Variants in FRMD6 observed in about 807,000 individuals in gnomAD.
FRMD6 encodes FERM domain containing 6, also known as FERM domain-containing protein 6.
Under a neutral mutation model 73.2 loss-of-function variants are expected in FRMD6, and 37 were observed. The ratio of observed to expected loss-of-function variants is 0.51; its 90% CI spans 0.39 to 0.66. FRMD6 has a LOEUF of 0.66. Among genes scored for constraint, FRMD6 ranks in the 30% least tolerant of loss-of-function variants. The pLI, the probability that FRMD6 is intolerant of heterozygous loss-of-function variation, is 0.00. For synonymous variants in FRMD6, 273 were observed against 282.2 expected, an observed-to-expected ratio of 0.97 and a Z score of 0.33; for missense variants, 714 against 780.5, an observed-to-expected ratio of 0.91 and a Z score of 1.02.
intron 2 of FRMD6, among the ~76,000 whole-genome samples, chr14:51,633,935 G>C (rs535237647): frequency 6.6e-6 from 1 of 152,012 alleles, no homozygotes; most frequent in Non-Finnish European, 1.5e-5. Context: ...CCATTTCTTC[G>C]GTACTTTCAA....
At chr14:51,682,975 C>G (rs1247590391) in intron 1 of FRMD6, among the ~76,000 whole-genome samples, 1 of 152,194 alleles carries the variant, frequency 6.6e-6, no homozygotes, top group African/African-American at 2.4e-5. Flanking sequence ...GCCAGGCAGA[C>G]TAAAACAGAT....
At chr14:51,706,806 C>T (rs1415931320) in intron 6 of FRMD6, among the ~76,000 whole-genome samples, 1 of 152,116 alleles carries the variant, frequency 6.6e-6, no homozygotes, top group African/African-American at 2.4e-5. Flanking sequence ...TTCTGAAAGA[C>T]GGGCATAACC....
chr14:51,478,087 T>TA, the FRMD6 span, among the ~76,000 whole-genome samples: 21 of 151,980 alleles, frequency 1.4e-4, no homozygotes, highest in African/African-American at 4.6e-4. Flanking sequence ...TTCCCCCAAC[T>TA]AAAAAAAATG....
chr14:51,590,333 GGTTT>G (rs1889321843), intron 2 of FRMD6, among the ~76,000 whole-genome samples: 1 of 151,890 alleles, frequency 6.6e-6, no homozygotes. Flanking sequence ...CGATTTTTTT[GGTTT>G]GTTTTTGTTT....
chr14:51,646,919 T>C (rs927875998), upstream of FRMD6, among the ~76,000 whole-genome samples: 1 of 151,920 alleles, frequency 6.6e-6, no homozygotes, highest in African/African-American at 2.4e-5. Flanking sequence ...TCTCTCTACA[T>C]TGTGCAACAC....
intron 2 of FRMD6, among the ~76,000 whole-genome samples, chr14:51,639,057 AT>A (rs534752515): frequency 8.8e-4 from 130 of 147,558 alleles, no homozygotes; most frequent in Middle Eastern, 3.4e-3. Flanking sequence ...AAGTGTCAGG[AT>A]TTTTTTTTTT....
At chr14:51,568,906 C>T (rs939787869) in intron 1 of FRMD6, among the ~76,000 whole-genome samples, 2 of 146,568 alleles carry the variant, frequency 1.4e-5, no homozygotes, top group Non-Finnish European at 1.5e-5. Context: ...AGTGCAATGG[C>T]GCAGTCTCGG....
At chr14:51,589,327 T>C (rs542898690) in intron 2 of FRMD6, among the ~76,000 whole-genome samples, 1 of 118,442 alleles carries the variant, frequency 8.4e-6, no homozygotes, top group East Asian at 2.4e-4. Flanking sequence ...TATTGTTTTG[T>C]TTTGGTTGGG....
At chr14:51,433,178 T>A in the FRMD6 span, among the ~76,000 whole-genome samples, 2 of 152,234 alleles carry the variant, frequency 1.3e-5, no homozygotes, top group African/African-American at 2.4e-5. Flanking sequence ...GACTCAGAAA[T>A]CTCATTTTAG....
chr14:51,439,909 T>C, the FRMD6 span, among the ~76,000 whole-genome samples: 1 of 152,230 alleles, frequency 6.6e-6, no homozygotes, highest in Non-Finnish European at 1.5e-5. Flanking sequence ...ATTTTGTATT[T>C]GTAATTTTGT....
intron 1 of FRMD6, among the ~76,000 whole-genome samples, chr14:51,658,701 T>C (rs903547016): frequency 2.0e-5 from 3 of 152,210 alleles, no homozygotes; most frequent in East Asian, 1.9e-4. Flanking sequence ...GAAGTACTTA[T>C]TGTAAAACAT....
chr14:51,608,287 A>G (rs1188928938), intron 2 of FRMD6, among the ~76,000 whole-genome samples: 1 of 152,198 alleles, frequency 6.6e-6, no homozygotes, highest in Non-Finnish European at 1.5e-5. Flanking sequence ...CAACACAGAC[A>G]TAATCAGACT....
chr14:51,499,207 C>T (rs925880378), intron 1 of FRMD6, among the ~76,000 whole-genome samples: 6 of 152,126 alleles, frequency 3.9e-5, no homozygotes, highest in Admixed American at 1.3e-4. Context: ...GGAACCTTGC[C>T]CTCCTTTAGC....
chr14:51,720,454 T>C, intron 11 of FRMD6, 64 bp downstream of exon 11: 1 of 1,488,596 alleles, frequency 6.7e-7, no homozygotes. Flanking sequence ...GCATTGGTTC[T>C]ATAGAACTGG....
At chr14:51,447,386 A>AGTGTTCTTCT in the FRMD6 span, among the ~76,000 whole-genome samples, 2 of 152,186 alleles carry the variant, frequency 1.3e-5, no homozygotes, top group Admixed American at 1.3e-4. Context: ...CACTCATGGG[A>AGTGTTCTTCT]ATCAGTGTTC....
At chr14:51,716,708 T>C (rs1897260588) in intron 10 of FRMD6, among the ~76,000 whole-genome samples, 1 of 152,234 alleles carries the variant, frequency 6.6e-6, no homozygotes, top group African/African-American at 2.4e-5. Context: ...AGAGAATTGG[T>C]ATAACTGTCA....
At chr14:51,720,761 T>C (rs1261722581) in intron 11 of FRMD6, among the ~76,000 whole-genome samples, 1 of 152,212 alleles carries the variant, frequency 6.6e-6, no homozygotes, top group Admixed American at 6.5e-5. Flanking sequence ...ATCTTGAACT[T>C]CTGGACCCCT....
chr14:51,610,426 A>G (rs930047812), intron 2 of FRMD6, among the ~76,000 whole-genome samples: 11 of 151,864 alleles, frequency 7.2e-5, no homozygotes, highest in African/African-American at 2.7e-4. Context: ...TTAGCTAAAC[A>G]TCTGTTTAAT....
chr14:51,703,039 T>TAATA (rs1218105382), intron 5 of FRMD6, among the ~76,000 whole-genome samples: 2 of 152,024 alleles, frequency 1.3e-5, no homozygotes, highest in Non-Finnish European at 1.5e-5. Context: ...GGTGTTTATA[T>TAATA]AATCGGTTTT....
Sources: allele counts gnomAD v4.1 joint callset (sites outside exome capture counted in the v4.1 genomes callset), GRCh38; gene constraint gnomAD v4.1.1; transcripts MANE v1.5; gene names NCBI Gene and HGNC (gene_info 2026-07-23, HGNC 2026-07-21).